The following CASP2 variants were observed in gnomAD, a reference collection of about 807,000 sequenced individuals.
CASP2 encodes caspase 2.
Under a neutral mutation model 54.4 loss-of-function variants are expected in CASP2, and 38 were observed. The observed-to-expected ratio is 0.70, with a 90% CI of 0.54 to 0.92. The LOEUF is 0.92. Among genes scored for constraint, CASP2 ranks in the 40% least tolerant of loss-of-function variants. The pLI is 0.00. For missense variants in CASP2, 512 were observed against 579.6 expected (o/e 0.88, Z 1.20); for synonymous variants, 215 against 216.3 (o/e 0.99, Z 0.05).
intron 7 of CASP2, 42 bp from the exon 8 acceptor site, chr7:143,300,162 C>A: frequency 6.2e-7 from 1 of 1,612,810 alleles, no homozygotes; most frequent in South Asian, 1.1e-5. Context: ...GGAGGCCCCG[C>A]TGAATGCTTA....
In CASP2 at chr7:143,288,502, A is replaced by T; in HGVS notation, c.47A>T (p.Glu16Val). The T allele has an allele frequency of 6.2e-7, 1 of 1,613,302 alleles. No homozygotes were observed. Among genetic ancestry groups the T allele is most frequent in the Non-Finnish European group, 8.5e-7 (1 of 1,179,652 alleles). Residue 16 changes from glutamate to valine, a missense_variant, in exon 1 of 11, where the codon GAG becomes GTG. Physicochemically the swap from Glu to Val is moderately radical, Grantham distance 121. Around this residue, in one of 3 missense-constraint regions of CASP2, gnomAD observed 89 missense variants for 67.1 expected, o/e 1.33. Coordinates refer to ENST00000310447, the MANE Select transcript of CASP2 (RefSeq NM_032982.4). The part of the protein sequence containing the change: ...AGSWSTFQHK[E>V]LMAADRGRRI... ...TCTTGGTCCACCTTCCAGCACAAGG[A>T]GCTGATGGCCGCTGACAGGGGACGC...
At chr7:143,292,249 A>G in intron 2 of CASP2, 51 bp from the exon 3 acceptor site, 1 of 1,587,728 alleles carries the variant, frequency 6.3e-7, no homozygotes, top group Non-Finnish European at 8.6e-7. Flanking sequence ...GAGAAATAGA[A>G]TTATAGCTAG....
intron 1 of CASP2, chr7:143,290,845 T>C (rs1176989787): frequency 6.5e-6 from 1 of 152,902 alleles, no homozygotes; most frequent in Non-Finnish European, 1.5e-5. Context: ...TGTGCTGCTC[T>C]GTAATGGGAT....
At position 143,305,189 on chromosome 7, in the gene CASP2, T is replaced by G. The variant is rs773045732; in HGVS notation, c.*118T>G. On this transcript the variant is annotated 3_prime_UTR_variant, in exon 11 of 11. Coordinates refer to ENST00000310447, the MANE Select transcript of CASP2 (RefSeq NM_032982.4). ...CTGCCCCCTCAGGGATGTGGGAATC[T>G]CCCAGACTTGTTTCCTGTGCCCATC... 68 of 1,324,826 alleles carry G rather than the reference T, an allele frequency of 5.1e-5. No homozygotes were observed. The highest frequency in any genetic ancestry group is 6.9e-5 in the Non-Finnish European group (65 of 938,024). 82.1% of individuals were successfully genotyped at this position (1,324,826 alleles called of 1,614,324 possible).
intron 1 of CASP2, among the ~76,000 whole-genome samples, chr7:143,289,096 C>T (rs1386642631): frequency 6.6e-6 from 1 of 152,136 alleles, no homozygotes; most frequent in African/African-American, 2.4e-5. Context: ...GCCTCTGCCC[C>T]GGTCATTCCA....
In CASP2 at chr7:143,306,589, C is replaced by A. The variant is rs1490260534; in HGVS notation, c.*1518C>A. ...TTTTTTAAAAAAAAAAAAAAAAAAACTTCCATTCTTTCTTCCTCCAGTCTG... is the reference window on the plus strand; with the variant it reads ...TTTTTTAAAAAAAAAAAAAAAAAAAATTCCATTCTTTCTTCCTCCAGTCTG... On this transcript the variant is annotated 3_prime_UTR_variant, in exon 11 of 11. Transcript: ENST00000310447. 3 of 147,420 alleles carry A rather than the reference C, an allele frequency of 2.0e-5. No individual in the cohort carries two copies. Among genetic ancestry groups the A allele is most frequent in the African/African-American group, 7.5e-5 (3 of 40,150 alleles). The allele number at this position is 147,420 out of a possible 1,614,324, so 9.1% of individuals were successfully genotyped here.
At chr7:143,300,745 T>C (rs1801893448) in intron 8 of CASP2, 1 of 1,189,538 alleles carries the variant, frequency 8.4e-7, no homozygotes, top group South Asian at 1.6e-5. Context: ...TACACTTCCA[T>C]GCTTGCCTCC....
At position 143,303,773 on chromosome 7, in the gene CASP2, C is replaced by G; in HGVS notation, c.968-11C>G. ...TAACATCATTGTCCATTCTGTCTGC[C>G]TTTGTTACAGATGAGACTGATCGTG... On this transcript the variant is annotated splice_polypyrimidine_tract_variant and intron_variant, in intron 8 of 10. Coordinates refer to ENST00000310447, the MANE Select transcript of CASP2 (RefSeq NM_032982.4). 2 of 1,613,356 alleles carry G rather than the reference C, an allele frequency of 1.2e-6. No individual in the cohort carries two copies. The highest frequency in any genetic ancestry group is 1.1e-5 in the South Asian group (1 of 91,006).
intron 6 of CASP2, 57 bp from the exon 7 acceptor site, chr7:143,299,866 T>C: frequency 6.2e-7 from 1 of 1,609,290 alleles, no homozygotes; most frequent in Non-Finnish European, 8.5e-7. Context: ...AACCAAACTT[T>C]GATGCTTATG....
Position 143,292,471 on chromosome 7 carries a change from T to A in CASP2, c.393+4T>A, listed in dbSNP as rs762351638. The A allele has an allele frequency of 7.4e-6, 12 of 1,614,038 alleles. No individual in the cohort carries two copies. Among genetic ancestry groups the A allele is most frequent in the African/African-American group, 1.3e-5 (1 of 74,916 alleles). Reference sequence around the variant, plus strand: ...GCTTCAGCATGTACTCCCACCGGTATGAAGCTTTAGTAATATGGGGTGTTG... The same window carrying A: ...GCTTCAGCATGTACTCCCACCGGTAAGAAGCTTTAGTAATATGGGGTGTTG... On this transcript the variant is annotated splice_donor_region_variant and intron_variant, in intron 3 of 10. Coordinates refer to ENST00000310447, the MANE Select transcript of CASP2 (RefSeq NM_032982.4).
Position 143,290,357 on chromosome 7 carries a change from C to T in CASP2, c.75-1183C>T, listed in dbSNP as rs572279201. Among the ~76,000 whole-genome samples, 8 of 152,094 alleles carry T rather than the reference C, an allele frequency of 5.3e-5. 1 individual carries two copies. Among genetic ancestry groups the T allele is most frequent in the South Asian group, 2.1e-4 (1 of 4,828 alleles). On this transcript the variant is annotated intron_variant, in intron 1 of 10. Coordinates refer to ENST00000310447, the MANE Select transcript of CASP2 (RefSeq NM_032982.4). The stretch of plus-strand genomic sequence containing the variant: ...GATTACAGGCATGAGCCACCGTGCC[C>T]GGCCTCCCCTCATGTTTTAACACCT...
In CASP2 at chr7:143,288,608, G is replaced by GCC. The variant is rs554520083; in HGVS notation, c.74+83_74+84dup. 2.4e-4 allele frequency: 305 copies of GCC among 1,295,344 alleles called. 1 individual carries two copies. In the African/African-American group the frequency reaches 4.1e-3, roughly 18 times the overall value. 80.2% of individuals were successfully genotyped at this position (1,295,344 alleles called of 1,614,324 possible). A position where few individuals can be genotyped will look rare whatever the true frequency, so the allele number is the denominator to read the frequency against. On this transcript the variant is annotated intron_variant, in intron 1 of 10. Transcript: ENST00000310447. The stretch of plus-strand genomic sequence containing the variant: ...TGGCCCCCAGGCGTGCGGCCCTGCA[G>GCC]CCCCCTCCCCTCGGAGCCCCGGAAA...
chr7:143,295,091 G>A (rs376577781), intron 6 of CASP2, among the ~76,000 whole-genome samples: 6 of 151,532 alleles, frequency 4.0e-5, no homozygotes, highest in East Asian at 3.9e-4. Flanking sequence ...GCAATGGCAC[G>A]ATCTCGGCTC....
intron 8 of CASP2, chr7:143,301,012 C>A: frequency 2.6e-6 from 2 of 778,770 alleles, no homozygotes; most frequent in Non-Finnish European, 1.6e-6. Context: ...TTACTAGTAA[C>A]GTGAAGTTAA....
At position 143,299,907 on chromosome 7, in the gene CASP2, C is replaced by T. The variant is rs1257771678; in HGVS notation, c.748-16C>T. 1.2e-5 allele frequency: 19 copies of T among 1,613,990 alleles called. No individual in the cohort carries two copies. Among genetic ancestry groups the T allele is most frequent in the Non-Finnish European group, 1.6e-5 (19 of 1,179,986 alleles). ...GCTGACCTTAGTGCACAACACTAAA[C>T]ATTCCTTTCTTTTAGGAAATGCAAG... On this transcript the variant is annotated splice_polypyrimidine_tract_variant and intron_variant, in intron 6 of 10. Transcript: ENST00000310447.
intron 1 of CASP2, among the ~76,000 whole-genome samples, chr7:143,290,074 T>A (rs1324498549): frequency 6.7e-6 from 1 of 149,362 alleles, no homozygotes; most frequent in Non-Finnish European, 1.5e-5. Flanking sequence ...TTTTTTTTTT[T>A]TTTTGGACGG....
At chr7:143,300,554 C>G (rs1801886224) in intron 8 of CASP2, 1 of 1,505,164 alleles carries the variant, frequency 6.6e-7, no homozygotes, top group African/African-American at 1.4e-5. Flanking sequence ...TATCCCGTGT[C>G]TTTGCCTTCC....
chr7:143,288,565 G>A (rs755613871), intron 1 of CASP2, 36 bp downstream of exon 1: 8 of 1,571,438 alleles, frequency 5.1e-6, no homozygotes, highest in Non-Finnish European at 7.0e-6. Context: ...CCTTAGGGGA[G>A]CCCAGGGAAG....
At chr7:143,301,691 A>G (rs1801921506) in intron 8 of CASP2, 1 of 152,202 alleles carries the variant, frequency 6.6e-6, no homozygotes, top group African/African-American at 2.4e-5. Flanking sequence ...AAACAATACA[A>G]TATGATAAGT....
Sources: allele counts gnomAD v4.1 joint callset (sites outside exome capture counted in the v4.1 genomes callset), GRCh38; gene constraint gnomAD v4.1.1; regional missense constraint gnomAD v4.1.1; transcripts MANE v1.5; gene names NCBI Gene and HGNC (gene_info 2026-07-23, HGNC 2026-07-21).